Variants in KLHL1 observed in about 807,000 individuals in gnomAD.
KLHL1 encodes kelch like family member 1, also known as kelch-like protein 1.
A neutral mutation model predicts 77.7 loss-of-function variants in KLHL1; 47 were observed. That is an observed-to-expected ratio of 0.60 (90% CI 0.48 to 0.77). The LOEUF (loss-of-function observed/expected upper bound fraction) is 0.77. Ranked by LOEUF, KLHL1 falls within the 30% of genes least tolerant of loss-of-function variation. The pLI is 0.00. For missense variants in KLHL1, 925 were observed against 910.8 expected (o/e 1.02, Z -0.20); for synonymous variants, 360 against 325.2 (o/e 1.11, Z -1.15).
At position 70,023,484 on chromosome 13, in the gene KLHL1, C is replaced by G. The variant is rs571695735; in HGVS notation, c.498-47682G>C. ...AATAAAATTAATAATAATTCCATAA[C>G]ATCATTTAAGTTCATACTCACATTT... On this transcript the variant is annotated intron_variant, in intron 1 of 10. Coordinates refer to ENST00000377844, the MANE Select transcript of KLHL1 (RefSeq NM_020866.3). Among the ~76,000 whole-genome samples, 5 of 152,006 alleles carry G rather than the reference C, an allele frequency of 3.3e-5. No individual in the cohort carries two copies. The South Asian group carries it at 1.0e-3, about 31-fold the overall frequency.
chr13:69,934,018 C>G (rs778033966), intron 4 of KLHL1, among the ~76,000 whole-genome samples: 14 of 152,044 alleles, frequency 9.2e-5, no homozygotes, highest in Non-Finnish European at 2.1e-4. Flanking sequence ...TTATCCCATT[C>G]TAGCATGTCT....
At chr13:69,840,635 A>G (rs1879210026) in intron 5 of KLHL1, among the ~76,000 whole-genome samples, 1 of 151,762 alleles carries the variant, frequency 6.6e-6, no homozygotes, top group Non-Finnish European at 1.5e-5. Flanking sequence ...TTTGTTGTAT[A>G]CTAATACCTT....
At chr13:69,964,011 T>A (rs983659283) in intron 2 of KLHL1, among the ~76,000 whole-genome samples, 1 of 151,886 alleles carries the variant, frequency 6.6e-6, no homozygotes, top group African/African-American at 2.4e-5. Flanking sequence ...AATTTCATTA[T>A]CAATTAGGCA....
At chr13:70,068,852 C>T (rs1233990755) in intron 1 of KLHL1, among the ~76,000 whole-genome samples, 2 of 152,200 alleles carry the variant, frequency 1.3e-5, no homozygotes, top group East Asian at 1.9e-4. Flanking sequence ...GGCTCAGTCT[C>T]GTCGTGGGGG....
At chr13:69,960,103 A>C (rs1884017754) in intron 3 of KLHL1, among the ~76,000 whole-genome samples, 1 of 110,916 alleles carries the variant, frequency 9.0e-6, no homozygotes, top group South Asian at 3.1e-4. Context: ...CAGTCAGAGC[A>C]TGTGTACTTT....
intron 3 of KLHL1, among the ~76,000 whole-genome samples, chr13:69,949,279 T>C (rs1883628842): frequency 6.6e-6 from 1 of 151,838 alleles, no homozygotes; most frequent in Non-Finnish European, 1.5e-5. Flanking sequence ...TTACTCATTC[T>C]GTCTCTTTAG....
intron 1 of KLHL1, among the ~76,000 whole-genome samples, chr13:70,100,789 T>C (rs9572370): frequency 0.15 from 23,406 of 152,166 alleles, 2,270 homozygotes; most frequent in African/African-American, 0.27. Flanking sequence ...TAAATCAATA[T>C]GAAAACTTCA....
chr13:69,908,679 T>C (rs982307524), intron 4 of KLHL1, among the ~76,000 whole-genome samples: 2 of 151,608 alleles, frequency 1.3e-5, no homozygotes, highest in Non-Finnish European at 3.0e-5. Context: ...ATAATGCCTA[T>C]GAATTTCCAT....
At chr13:69,862,276 TAC>T (rs34793863) in intron 5 of KLHL1, among the ~76,000 whole-genome samples, 1 of 151,100 alleles carries the variant, frequency 6.6e-6, no homozygotes, top group Non-Finnish European at 1.5e-5. Context: ...ATACTGTTTT[TAC>T]ACACACACAC....
rs770304184 is a variant in KLHL1 at position 69,796,763 on chromosome 13, T to C, written c.1614A>G (p.Pro538=). 2.3e-5 allele frequency: 37 copies of C among 1,613,290 alleles called. No homozygotes were observed. The highest frequency in any genetic ancestry group is 3.0e-5 in the Non-Finnish European group (35 of 1,179,366). The change falls in exon 7 of 11, where the codon CCA becomes CCG. Residue 538 remains proline, a synonymous_variant. Coordinates refer to ENST00000377844, the MANE Select transcript of KLHL1 (RefSeq NM_020866.3). The part of the protein sequence containing the change: ...PKTKTWTVLP[P]MSTHRHGLGV... ...CTAGACCATGTCTGTGTGTTGACAT[T>C]GGTGGTAAGACAGTCCATGTCTTGG...
intron 9 of KLHL1, among the ~76,000 whole-genome samples, chr13:69,718,495 C>T (rs1872878967): frequency 1.3e-5 from 2 of 151,938 alleles, no homozygotes; most frequent in South Asian, 4.2e-4. Flanking sequence ...TGGTATTAAA[C>T]CACTGAGAGT....
At chr13:69,713,122 G>A (rs1203560704) in intron 9 of KLHL1, among the ~76,000 whole-genome samples, 1 of 152,046 alleles carries the variant, frequency 6.6e-6, no homozygotes, top group African/African-American at 2.4e-5. Flanking sequence ...AACCCATCAT[G>A]CCCAGCCCAA....
intron 2 of KLHL1, among the ~76,000 whole-genome samples, chr13:69,968,953 A>G (rs1282172585): frequency 6.6e-6 from 1 of 152,206 alleles, no homozygotes; most frequent in African/African-American, 2.4e-5. Context: ...TATAAGCAAA[A>G]CAACAGTAAA....
chr13:69,741,306 TATTG>T (rs150247513), intron 7 of KLHL1, among the ~76,000 whole-genome samples: 1,682 of 152,224 alleles, frequency 0.011, 26 homozygotes, highest in African/African-American at 0.039. Flanking sequence ...ATAATGTAAA[TATTG>T]ATTGATGTGC....
intron 4 of KLHL1, among the ~76,000 whole-genome samples, chr13:69,887,405 T>G (rs1023733376): frequency 2.0e-5 from 3 of 152,300 alleles, no homozygotes; most frequent in South Asian, 2.1e-4. Flanking sequence ...TTTCATTTTT[T>G]ACAACAGGGC....
At chr13:70,051,876 C>T (rs150027292) in intron 1 of KLHL1, among the ~76,000 whole-genome samples, 17 of 151,422 alleles carry the variant, frequency 1.1e-4, no homozygotes, top group Admixed American at 2.6e-4. Flanking sequence ...TTGTGGACTA[C>T]AAGAAAACAA....
At chr13:69,777,577 C>T (rs1593819191) in intron 7 of KLHL1, among the ~76,000 whole-genome samples, 1 of 152,066 alleles carries the variant, frequency 6.6e-6, no homozygotes, top group Non-Finnish European at 1.5e-5. Flanking sequence ...GTTTGCTACC[C>T]AAATATGCTA....
chr13:70,034,704 A>G (rs528631384), intron 1 of KLHL1, among the ~76,000 whole-genome samples: 1 of 152,298 alleles, frequency 6.6e-6, no homozygotes, highest in South Asian at 2.1e-4. Context: ...AGGAAGAGGG[A>G]AAGTCGCAAT....
chr13:69,725,976 G>T (rs933311195), intron 8 of KLHL1, among the ~76,000 whole-genome samples: 5 of 152,022 alleles, frequency 3.3e-5, no homozygotes, highest in Non-Finnish European at 7.4e-5. Flanking sequence ...TCATCTCTCA[G>T]TCAGCTGAGG....
Sources: allele counts gnomAD v4.1 joint callset (sites outside exome capture counted in the v4.1 genomes callset), GRCh38; gene constraint gnomAD v4.1.1; transcripts MANE v1.5; gene names NCBI Gene and HGNC (gene_info 2026-07-23, HGNC 2026-07-21).